The following LRRK2 variants were observed in gnomAD, a reference collection of about 807,000 sequenced individuals.
LRRK2 encodes leucine rich repeat kinase 2.
LRRK2 carries 203 observed loss-of-function variants against 302.6 expected under a neutral mutation model. That is an observed-to-expected ratio of 0.67 (90% CI 0.60 to 0.75). The LOEUF (loss-of-function observed/expected upper bound fraction) is 0.75, where lower values mean the gene tolerates loss of function less well. LRRK2 is among the 30% of genes least tolerant of loss of function. LRRK2 has a pLI of 0.00. For synonymous variants in LRRK2, 1,066 were observed against 1,031.9 expected (o/e 1.03, Z -0.63); for missense variants, 2,830 against 2,951.0 (o/e 0.96, Z 0.95).
At chr12:40,361,604 A>G (rs926393811) in intron 47 of LRRK2, among the ~76,000 whole-genome samples, 1 of 152,076 alleles carries the variant, frequency 6.6e-6, no homozygotes, top group African/African-American at 2.4e-5. Flanking sequence ...TTATGGGATT[A>G]TGGATATCAG....
chr12:40,298,367 T>G lies in LRRK2; in HGVS notation c.3221T>G (p.Val1074Gly). ...TCTCGAAATGACATTGGACCCTCAG[T>G]GGTTTTAGATCCTACAGTGAAATGT... The part of the protein sequence containing the change: ...DVSRNDIGPS[V>G]VLDPTVKCPT... The change falls in exon 24 of 51, where the codon GTG becomes GGG. Residue 1074 changes from valine (V) to glycine (G), a missense_variant. Physicochemically the swap from Val to Gly is moderately radical, Grantham distance 109. Transcript: ENST00000298910. 6.2e-7 allele frequency: 1 copy of G among 1,614,004 alleles called. No homozygotes were observed. The highest frequency in any genetic ancestry group is 8.5e-7 in the Non-Finnish European group (1 of 1,179,982).
Position 40,225,174 on chromosome 12 carries a change from A to G in LRRK2, c.43A>G (p.Thr15Ala), listed in dbSNP as rs767521458. The part of the protein sequence containing the change: ...SCQGCEEDEE[T>A]LKKLIVRLNN... ...TCAGGGGTGCGAAGAGGACGAGGAA[A>G]CTCTGAAGAAGTTGATAGTCAGGCT... The change falls in exon 1 of 51, where the codon ACT becomes GCT. Residue 15 changes from threonine (T) to alanine (A), a missense_variant. Physicochemically the swap from Thr to Ala is moderately conservative, Grantham distance 58 (BLOSUM62 0). Coordinates refer to ENST00000298910, the MANE Select transcript of LRRK2 (RefSeq NM_198578.4). 1.6e-5 allele frequency: 26 copies of G among 1,614,018 alleles called. 1 individual carries two copies. In the South Asian group the frequency reaches 2.7e-4, roughly 17 times the overall value.
In LRRK2 at chr12:40,322,468, C is replaced by A. The variant is rs72547980; in HGVS notation, c.5467C>A (p.Gln1823Lys). 6.3e-5 allele frequency: 102 copies of A among 1,612,958 alleles called. No individual in the cohort carries two copies. In the African/African-American group the frequency reaches 6.7e-4, roughly 11 times the overall value. ...LYSFNDGEEH[Q>K]KILLDDLMKK... ...TAGTTTTAATGATGGTGAAGAACAT[C>A]AAAAAATCTTACTTGATGACTTGAT... The change falls in exon 37 of 51, where the codon CAA (glutamine) becomes AAA (lysine). Residue 1823 changes from glutamine (Q) to lysine (K), a missense_variant. Transcript: ENST00000298910.
intron 44 of LRRK2, 146 bp downstream of exon 44, chr12:40,351,879 G>A (rs1946364210): frequency 1.1e-6 from 1 of 886,330 alleles, no homozygotes; most frequent in African/African-American, 1.7e-5. Context: ...GAGCAAATGT[G>A]TTTTGCTTTA....
intron 14 of LRRK2, among the ~76,000 whole-genome samples, chr12:40,270,901 T>C (rs1163063573): frequency 6.6e-6 from 1 of 152,068 alleles, no homozygotes; most frequent in Admixed American, 6.6e-5. Context: ...CTGTGGTGCA[T>C]TCTGAGTTTG....
intron 8 of LRRK2, among the ~76,000 whole-genome samples, chr12:40,251,002 GTTT>G (rs575085073): frequency 7.3e-6 from 1 of 137,574 alleles, no homozygotes; most frequent in Non-Finnish European, 1.6e-5. Context: ...CGTCTATTAG[GTTT>G]TTTTTTTTTT....
chr12:40,309,089 C>T lies in LRRK2; in HGVS notation c.4190-17C>T. The stretch of plus-strand genomic sequence containing the variant: ...CGTTTGAAAGATTAAAAAAATTTGT[C>T]TCTAATCTTTATTTAGGTCGTGAGG... On this transcript the variant is annotated splice_polypyrimidine_tract_variant and intron_variant, in intron 29 of 50. Coordinates refer to ENST00000298910, the MANE Select transcript of LRRK2 (RefSeq NM_198578.4). 6.2e-7 allele frequency: 1 copy of T among 1,612,364 alleles called. No individual in the cohort carries two copies. Among genetic ancestry groups the T allele is most frequent in the Non-Finnish European group, 8.5e-7 (1 of 1,179,292 alleles).
chr12:40,307,025 A>G (rs1944848485), intron 28 of LRRK2, among the ~76,000 whole-genome samples: 1 of 151,424 alleles, frequency 6.6e-6, no homozygotes, highest in Admixed American at 6.6e-5. Context: ...ATTATACTGT[A>G]TTATCTAACT....
chr12:40,296,623 C>A (rs1477333386), intron 23 of LRRK2, among the ~76,000 whole-genome samples: 2 of 151,606 alleles, frequency 1.3e-5, no homozygotes, highest in African/African-American at 2.4e-5. Context: ...CAGAGTGAGA[C>A]CCTGTCTCAA....
At position 40,251,273 on chromosome 12, in the gene LRRK2, G is replaced by A. The variant is rs78501232; in HGVS notation, c.1000G>A (p.Glu334Lys). 1.5e-3 allele frequency: 2,453 copies of A among 1,609,600 alleles called. 19 individuals are homozygous for A. Among genetic ancestry groups the A allele is most frequent in the Non-Finnish European group, 7.2e-4 (845 of 1,177,072 alleles). The part of the protein sequence containing the change: ...FLNQDLEEKN[E>K]NQENDDEGEE... ...AAATCAAGATTTAGAGGAAAAGAAT[G>A]AGAATCAAGAGAATGATGATGAGGG... The change falls in exon 9 of 51, where the codon GAG becomes AAG. Residue 334 changes from glutamate to lysine, a missense_variant. Glu to Lys is a moderately conservative substitution (Grantham distance 56). Coordinates refer to ENST00000298910, the MANE Select transcript of LRRK2 (RefSeq NM_198578.4).
At chr12:40,289,544 AAAT>A (rs1410951472) in intron 20 of LRRK2, among the ~76,000 whole-genome samples, 4 of 148,970 alleles carry the variant, frequency 2.7e-5, no homozygotes, top group African/African-American at 7.3e-5. Context: ...ATTAATACAT[AAAT>A]AATAATTTAT....
intron 33 of LRRK2, among the ~76,000 whole-genome samples, chr12:40,318,810 G>GT (rs754944538): frequency 5.3e-5 from 8 of 152,062 alleles, no homozygotes; most frequent in Non-Finnish European, 1.0e-4. Context: ...CACCTAAACT[G>GT]TAAGAGCGAT....
chr12:40,320,244 A>G, intron 34 of LRRK2, 69 bp downstream of exon 34: 1 of 1,293,426 alleles, frequency 7.7e-7, no homozygotes, highest in South Asian at 1.2e-5. Context: ...TTGTCAAACT[A>G]ACTGTAGTCT....
Position 40,249,960 on chromosome 12 carries a change from T to TA in LRRK2, c.958+20dup. 6.2e-7 allele frequency: 1 copy of TA among 1,613,184 alleles called. No individual in the cohort carries two copies. The highest frequency in any genetic ancestry group is 8.5e-7 in the Non-Finnish European group (1 of 1,179,452). ...GGCCCTCCTCAGTAAGTAACTTCACTAAAAAGGGGATTCTTACAGAGGCAT... is the reference window on the plus strand; with the variant it reads ...GGCCCTCCTCAGTAAGTAACTTCACTAAAAAAGGGGATTCTTACAGAGGCAT... On this transcript the variant is annotated intron_variant, in intron 8 of 50. Coordinates refer to ENST00000298910, the MANE Select transcript of LRRK2 (RefSeq NM_198578.4).
chr12:40,293,488 A>G, intron 20 of LRRK2, 57 bp from the exon 21 acceptor site: 2 of 1,089,364 alleles, frequency 1.8e-6, no homozygotes, highest in Non-Finnish European at 2.8e-6. Context: ...GAAGGATCTT[A>G]TGATTGAGTA....
intron 14 of LRRK2, among the ~76,000 whole-genome samples, chr12:40,271,129 T>C (rs1943217869): frequency 6.6e-6 from 1 of 152,110 alleles, no homozygotes; most frequent in Admixed American, 6.6e-5. Flanking sequence ...TTTGGGGCTA[T>C]CAGTCATATG....
At chr12:40,318,020 C>G (rs952164329) in intron 33 of LRRK2, among the ~76,000 whole-genome samples, 2 of 152,038 alleles carry the variant, frequency 1.3e-5, no homozygotes, top group Non-Finnish European at 2.9e-5. Flanking sequence ...ATTGGTGCTT[C>G]TCCATGTGGC....
At chr12:40,341,590 G>A (rs977535146) in intron 41 of LRRK2, among the ~76,000 whole-genome samples, 2 of 152,104 alleles carry the variant, frequency 1.3e-5, no homozygotes, top group South Asian at 2.1e-4. Context: ...CCTGCTGTGC[G>A]TCAGGCCCAG....
chr12:40,305,803 T>G lies in LRRK2; in HGVS notation c.3796T>G (p.Cys1266Gly). ...CATTAAGATTCCTCCTGAGATTGGC[T>G]GTCTTGAAAATCTGACATCTCTGGA... ...KLKEIPPEIG[C>G]LENLTSLDVS... The change falls in exon 28 of 51, where the codon TGT (cysteine) becomes GGT (glycine). Residue 1266 changes from cysteine to glycine, a missense_variant. By Grantham distance (159) the Cys-to-Gly change is radical (BLOSUM62 -3). This residue lies in a region of LRRK2 where 2,121 missense variants were observed against 2,148.0 expected (regional missense o/e 0.99). Transcript: ENST00000298910. 2 of 1,613,658 alleles carry G rather than the reference T, an allele frequency of 1.2e-6. No individual in the cohort carries two copies. The highest frequency in any genetic ancestry group is 1.7e-6 in the Non-Finnish European group (2 of 1,179,760).
Sources: gnomAD v4.1 joint callset for allele counts (sites outside exome capture counted in the v4.1 genomes callset) on GRCh38, gnomAD v4.1.1 for gene constraint, gnomAD v4.1.1 regional missense constraint, MANE v1.5 for transcripts, NCBI Gene and HGNC (gene_info 2026-07-23, HGNC 2026-07-21) for gene names.